The following PTPN11 variants were observed in gnomAD, a reference collection of about 807,000 sequenced individuals.
PTPN11 encodes the protein protein tyrosine phosphatase non-receptor type 11, also known as tyrosine-protein phosphatase non-receptor type 11.
A neutral mutation model predicts 78.8 loss-of-function variants in PTPN11; 6 were observed. That is an observed-to-expected ratio of 0.08 (90% CI 0.04 to 0.15). The LOEUF (loss-of-function observed/expected upper bound fraction) is 0.15, where lower values mean the gene tolerates loss of function less well. PTPN11 is among the 10% of genes least tolerant of loss of function. The pLI is 1.00. For missense variants in PTPN11, 386 were observed against 744.8 expected (o/e 0.52, Z 5.61); for synonymous variants, 221 against 263.5 (o/e 0.84, Z 1.56).
At chr12:112,488,152 G>A (rs1469072638) in intron 11 of PTPN11, among the ~76,000 whole-genome samples, 2 of 152,056 alleles carry the variant, frequency 1.3e-5, no homozygotes, top group Non-Finnish European at 2.9e-5. Context: ...CCAGCACTCT[G>A]TATGGTATGT....
chr12:112,491,279 A>C (rs1235464304), intron 13 of PTPN11, among the ~76,000 whole-genome samples: 2 of 152,038 alleles, frequency 1.3e-5, no homozygotes, highest in East Asian at 3.9e-4. Context: ...AGTGAAAAAA[A>C]AAAAAAAACC....
intron 13 of PTPN11, among the ~76,000 whole-genome samples, chr12:112,490,254 C>A (rs2038730082): frequency 6.7e-6 from 1 of 149,718 alleles, no homozygotes; most frequent in South Asian, 2.1e-4. Flanking sequence ...CTAGTAAATA[C>A]AAAGAGAATG....
intron 13 of PTPN11, among the ~76,000 whole-genome samples, chr12:112,498,489 ATTT>A (rs917606885): frequency 2.0e-5 from 3 of 152,100 alleles, no homozygotes; most frequent in African/African-American, 7.2e-5. Flanking sequence ...TGGCCTTTGG[ATTT>A]TTTGTAATTT....
intron 1 of PTPN11, among the ~76,000 whole-genome samples, chr12:112,423,796 G>C (rs1490622949): frequency 1.4e-5 from 2 of 141,104 alleles, no homozygotes; most frequent in Admixed American, 7.5e-5. Flanking sequence ...CCAGGCTGGA[G>C]ACTGCAGTGG....
At chr12:112,480,049 T>G (rs2038571318) in intron 9 of PTPN11, among the ~76,000 whole-genome samples, 1 of 152,220 alleles carries the variant, frequency 6.6e-6, no homozygotes, top group Non-Finnish European at 1.5e-5. Flanking sequence ...GTGTATTAGT[T>G]CTCACATTTT....
chr12:112,446,239 T>C, intron 1 of PTPN11, 37 bp from the exon 2 acceptor site: 1 of 1,612,564 alleles, frequency 6.2e-7, no homozygotes, highest in Non-Finnish European at 8.5e-7. Flanking sequence ...TGACAGTGTC[T>C]TGTTTTTTTA....
chr12:112,462,154 T>C (rs1197186317), intron 6 of PTPN11, among the ~76,000 whole-genome samples: 2 of 152,160 alleles, frequency 1.3e-5, no homozygotes, highest in Non-Finnish European at 2.9e-5. Context: ...CCTCAGGAGT[T>C]TGAGACCAGC....
intron 7 of PTPN11, among the ~76,000 whole-genome samples, chr12:112,474,525 C>A (rs2038469027): frequency 6.6e-6 from 1 of 152,118 alleles, no homozygotes; most frequent in Non-Finnish European, 1.5e-5. Context: ...GCTGTACCTT[C>A]TGTAACACCC....
intron 6 of PTPN11, among the ~76,000 whole-genome samples, chr12:112,469,356 C>G (rs914083366): frequency 6.6e-6 from 1 of 151,298 alleles, no homozygotes; most frequent in African/African-American, 2.4e-5. Flanking sequence ...TAACACTTGC[C>G]TGTGTCTTTT....
In PTPN11 at chr12:112,442,877, T is replaced by TAA. The variant is rs1184431381; in HGVS notation, c.15-3397_15-3396dup. On this transcript the variant is annotated intron_variant, in intron 1 of 15. Coordinates refer to ENST00000351677, the MANE Select transcript of PTPN11 (RefSeq NM_002834.5). ...ATATATATATATATATATATATATATAAATTATATATACACTACACATATA... is the reference window on the plus strand; with the variant it reads ...ATATATATATATATATATATATATATAAAAATTATATATACACTACACATATA... Among the ~76,000 whole-genome samples, 152 of 70,114 alleles carry TAA rather than the reference T, an allele frequency of 2.2e-3. 3 individuals are homozygous for TAA. Among genetic ancestry groups the TAA allele is most frequent in the African/African-American group, 4.5e-3 (63 of 13,896 alleles). The allele number at this position is 70,114 out of a possible 152,430, so 46.0% of individuals were successfully genotyped here.
At chr12:112,468,335 AT>A (rs1225220387) in intron 6 of PTPN11, among the ~76,000 whole-genome samples, 4 of 152,152 alleles carry the variant, frequency 2.6e-5, no homozygotes, top group African/African-American at 9.7e-5. Flanking sequence ...GGCAGGGTTT[AT>A]TTGATATTTT....
At chr12:112,499,419 G>T (rs745431340) in intron 13 of PTPN11, among the ~76,000 whole-genome samples, 5 of 151,868 alleles carry the variant, frequency 3.3e-5, no homozygotes, top group South Asian at 2.1e-4. Flanking sequence ...GGCTCACTGC[G>T]ACCTCTATCT....
chr12:112,480,448 G>C (rs2107205), intron 9 of PTPN11, among the ~76,000 whole-genome samples: 1 of 150,524 alleles, frequency 6.6e-6, no homozygotes, highest in Admixed American at 6.6e-5. Flanking sequence ...ATCACTGCAG[G>C]CTCCGCCTCC....
At chr12:112,484,748 G>A (rs778307682) in intron 10 of PTPN11, among the ~76,000 whole-genome samples, 5 of 152,118 alleles carry the variant, frequency 3.3e-5, no homozygotes, top group Non-Finnish European at 7.4e-5. Flanking sequence ...AGGGCTGGGC[G>A]TGGTGGCTCA....
intron 3 of PTPN11, among the ~76,000 whole-genome samples, chr12:112,451,387 C>T (rs2038076999): frequency 6.6e-6 from 1 of 152,172 alleles, no homozygotes; most frequent in African/African-American, 2.4e-5. Flanking sequence ...GAGCCCTTAA[C>T]ACCACCTGCC....
At chr12:112,472,180 G>A (rs773367669) in intron 6 of PTPN11, among the ~76,000 whole-genome samples, 3 of 151,832 alleles carry the variant, frequency 2.0e-5, no homozygotes, top group South Asian at 2.1e-4. Context: ...TTAAGATAGC[G>A]TCTCATTTTG....
At position 112,450,201 on chromosome 12, in the gene PTPN11, C is replaced by A. The variant is rs529484564; in HGVS notation, c.138-117C>A. On this transcript the variant is annotated intron_variant, in intron 2 of 15. Coordinates refer to ENST00000351677, the MANE Select transcript of PTPN11 (RefSeq NM_002834.5). ...ATTTCTTATAGGGAATAGGTAAATT[C>A]GTTCCTTGGGTTTCTTTCAACACTT... is the stretch of plus-strand genomic sequence containing the variant. The A allele has an allele frequency of 1.1e-5, 10 of 905,942 alleles. No individual in the cohort carries two copies. In the African/African-American group the frequency reaches 1.5e-4, roughly 13 times the overall value. 56.1% of individuals were successfully genotyped at this position (905,942 alleles called of 1,614,324 possible). A position where few individuals can be genotyped will look rare whatever the true frequency, so the allele number is the denominator to read the frequency against.
rs139972637 is a variant in PTPN11, at chr12:112,473,821, G to T, written c.853+781G>T. ...AGATGTGCCATTGCACTCCAGCCTG[G>T]GTGACAAGAGCAAAACTCCGTCTCA... is the stretch of plus-strand genomic sequence containing the variant. On this transcript the variant is annotated intron_variant, in intron 7 of 15. Coordinates refer to ENST00000351677, the MANE Select transcript of PTPN11 (RefSeq NM_002834.5). Among the ~76,000 whole-genome samples, 1,215 of 151,770 alleles carry T rather than the reference G, an allele frequency of 8.0e-3. 15 individuals carry two copies. The highest frequency in any genetic ancestry group is 0.028 in the African/African-American group (1,167 of 41,320).
At chr12:112,452,289 C>T (rs544927052) in intron 3 of PTPN11, among the ~76,000 whole-genome samples, 2 of 151,388 alleles carry the variant, frequency 1.3e-5, no homozygotes, top group African/African-American at 2.4e-5. Flanking sequence ...TGCAATGGTG[C>T]GATCTCAGCT....
Sources: allele counts gnomAD v4.1 joint callset (sites outside exome capture counted in the v4.1 genomes callset), GRCh38; gene constraint gnomAD v4.1.1; transcripts MANE v1.5; gene names NCBI Gene and HGNC (gene_info 2026-07-23, HGNC 2026-07-21).